Variants in CCSER1 observed in about 807,000 individuals in gnomAD.
CCSER1 encodes the protein serine-rich coiled-coil domain-containing protein 1.
CCSER1 carries 41 observed loss-of-function variants against 82.0 expected under a neutral mutation model. That is an observed-to-expected ratio of 0.50 (90% confidence interval 0.39 to 0.65). The LOEUF is 0.65. Ranked by LOEUF, CCSER1 falls within the 30% of genes least tolerant of loss-of-function variation. The probability of loss-of-function intolerance (pLI) is 0.00; values close to 1 mark genes in which losing one functional copy is unlikely to be tolerated. For synonymous variants in CCSER1, 414 were observed against 383.9 expected, an observed-to-expected ratio of 1.08 and a Z score of -0.92; for missense variants, 1,119 against 1,064.2, an observed-to-expected ratio of 1.05 and a Z score of -0.72.
At chr4:90,963,359 GA>G (rs1339817906) in intron 9 of CCSER1, among the ~76,000 whole-genome samples, 2 of 152,100 alleles carry the variant, frequency 1.3e-5, no homozygotes, top group Non-Finnish European at 2.9e-5. Flanking sequence ...ATAGATGATA[GA>G]GATGCAAATA....
At chr4:91,335,565 A>G (rs1747257546) in intron 10 of CCSER1, among the ~76,000 whole-genome samples, 1 of 152,124 alleles carries the variant, frequency 6.6e-6, no homozygotes, top group South Asian at 2.1e-4. Flanking sequence ...CGGGGAGTGC[A>G]GAGGAAATTC....
chr4:90,454,628 T>C (rs540386211), intron 4 of CCSER1, among the ~76,000 whole-genome samples: 40 of 152,178 alleles, frequency 2.6e-4, no homozygotes, highest in Non-Finnish European at 4.6e-4. Context: ...CCTCCAATGA[T>C]ACTACTATTC....
intron 10 of CCSER1, among the ~76,000 whole-genome samples, chr4:91,496,874 A>G (rs1047130401): frequency 1.5e-5 from 2 of 132,520 alleles, no homozygotes; most frequent in Non-Finnish European, 3.1e-5. Flanking sequence ...GAATATATAT[A>G]TTCAATTCAA....
At chr4:90,302,760 T>C (rs1733404958) in intron 1 of CCSER1, among the ~76,000 whole-genome samples, 1 of 152,000 alleles carries the variant, frequency 6.6e-6, no homozygotes, top group Non-Finnish European at 1.5e-5. Context: ...CTATGTTTGC[T>C]ACACTGCATT....
At chr4:91,155,022 C>T (rs551412075) in intron 10 of CCSER1, among the ~76,000 whole-genome samples, 1 of 102,124 alleles carries the variant, frequency 9.8e-6, no homozygotes, top group Middle Eastern at 4.8e-3. Context: ...GTAACATAGG[C>T]TTTTCTGGCC....
intron 1 of CCSER1, among the ~76,000 whole-genome samples, chr4:90,223,894 C>T (rs1742636764): frequency 6.6e-6 from 1 of 152,176 alleles, no homozygotes; most frequent in South Asian, 2.1e-4. Context: ...TAATATTCTT[C>T]ACAATTAGAC....
At chr4:90,369,162 G>T (rs930673853) in intron 3 of CCSER1, among the ~76,000 whole-genome samples, 1 of 150,276 alleles carries the variant, frequency 6.7e-6, no homozygotes, top group South Asian at 2.1e-4. Flanking sequence ...AGGAAGGAGA[G>T]GAGGAGGAAA....
chr4:90,592,604 T>C (rs1782845620), intron 5 of CCSER1, among the ~76,000 whole-genome samples: 2 of 152,146 alleles, frequency 1.3e-5, no homozygotes, highest in South Asian at 4.1e-4. Flanking sequence ...AATCATCTCT[T>C]ACGCACAGCC....
At chr4:90,701,944 T>C (rs537042172) in intron 6 of CCSER1, among the ~76,000 whole-genome samples, 35 of 152,328 alleles carry the variant, frequency 2.3e-4, no homozygotes, top group African/African-American at 7.9e-4. Flanking sequence ...CTTCTTCTTT[T>C]CCTAATTGAA....
chr4:90,446,767 C>T (rs893703515), intron 4 of CCSER1, among the ~76,000 whole-genome samples: 1 of 152,144 alleles, frequency 6.6e-6, no homozygotes, highest in Non-Finnish European at 1.5e-5. Context: ...TTTCCTGCTT[C>T]CCCTTCCACC....
chr4:91,457,330 A>T (rs1214582334), intron 10 of CCSER1, among the ~76,000 whole-genome samples: 1 of 151,926 alleles, frequency 6.6e-6, no homozygotes, highest in Non-Finnish European at 1.5e-5. Context: ...AATATCTTCA[A>T]CTCCTATTTT....
chr4:90,805,209 A>C (rs11934481), intron 7 of CCSER1, among the ~76,000 whole-genome samples: 51,715 of 151,982 alleles, frequency 0.34, 9,004 homozygotes, highest in East Asian at 0.42. Flanking sequence ...TTCAACTGGG[A>C]AGTTCTAGCC....
At chr4:90,190,637 C>T (rs1230028750) in intron 1 of CCSER1, among the ~76,000 whole-genome samples, 1 of 152,108 alleles carries the variant, frequency 6.6e-6, no homozygotes, top group Non-Finnish European at 1.5e-5. Flanking sequence ...TTCTTGGCCA[C>T]TTGTTCCCAG....
chr4:90,226,042 C>G (rs1186864280), intron 1 of CCSER1, among the ~76,000 whole-genome samples: 2 of 152,174 alleles, frequency 1.3e-5, no homozygotes, highest in African/African-American at 4.8e-5. Flanking sequence ...GTTGGCTACC[C>G]TATTAGAGAT....
intron 3 of CCSER1, among the ~76,000 whole-genome samples, chr4:90,343,762 G>A (rs1304018258): frequency 5.9e-5 from 9 of 151,998 alleles, no homozygotes; most frequent in African/African-American, 2.2e-4. Context: ...ATTTTTGTGG[G>A]TACATAGTGG....
intron 10 of CCSER1, among the ~76,000 whole-genome samples, chr4:91,106,038 C>T (rs1725579724): frequency 6.6e-6 from 1 of 152,068 alleles, no homozygotes; most frequent in South Asian, 2.1e-4. Flanking sequence ...TCTGAATTAC[C>T]AGATACATTT....
At chr4:91,359,469 TATG>T (rs1749103614) in intron 10 of CCSER1, among the ~76,000 whole-genome samples, 1 of 151,874 alleles carries the variant, frequency 6.6e-6, no homozygotes, top group African/African-American at 2.4e-5. Context: ...CTGATAAACT[TATG>T]ATGGCAAAAG....
intron 8 of CCSER1, among the ~76,000 whole-genome samples, chr4:90,899,453 G>C (rs1724267475): frequency 6.6e-6 from 1 of 151,964 alleles, no homozygotes; most frequent in Non-Finnish European, 1.5e-5. Flanking sequence ...TGTTTTGCTT[G>C]CCTGATTGCT....
intron 6 of CCSER1, among the ~76,000 whole-genome samples, chr4:90,720,908 G>A (rs1742561324): frequency 2.6e-5 from 4 of 151,796 alleles, no homozygotes; most frequent in Admixed American, 2.0e-4. Flanking sequence ...CTTTTTTAGT[G>A]ACAGAATATT....
Sources: allele counts gnomAD v4.1 joint callset (sites outside exome capture counted in the v4.1 genomes callset), GRCh38; gene constraint gnomAD v4.1.1; transcripts MANE v1.5; gene names NCBI Gene and HGNC (gene_info 2026-07-23, HGNC 2026-07-21).